The following RBMS3 variants were observed in gnomAD, a reference collection of about 807,000 sequenced individuals.
RBMS3 encodes RNA binding motif single stranded interacting protein 3, also known as RNA-binding motif, single-stranded-interacting protein 3.
RBMS3 carries 27 observed loss-of-function variants against 66.8 expected under a neutral mutation model. The observed-to-expected ratio is 0.40, with a 90% CI of 0.30 to 0.56. The LOEUF is 0.56. Ranked by LOEUF, RBMS3 falls within the 20% of genes least tolerant of loss-of-function variation. The pLI, the probability that RBMS3 is intolerant of heterozygous loss-of-function variation, is 0.40. For missense variants in RBMS3, 513 were observed against 549.5 expected, an observed-to-expected ratio of 0.93 and a Z score of 0.66; for synonymous variants, 188 against 183.0, an observed-to-expected ratio of 1.03 and a Z score of -0.22.
chr3:29,378,520 A>C (rs1247640006), intron 1 of RBMS3, among the ~76,000 whole-genome samples: 2 of 151,894 alleles, frequency 1.3e-5, no homozygotes, highest in African/African-American at 4.8e-5. Context: ...TGTCTATTTC[A>C]TAGAGGTATT....
rs371084735 is a variant in RBMS3, at chr3:29,987,636, CA to C, written c.1099-506del. Among the ~76,000 whole-genome samples, 713 of 152,228 alleles carry C rather than the reference CA, an allele frequency of 4.7e-3. 3 individuals carry two copies. The highest frequency in any genetic ancestry group is 0.016 in the African/African-American group (680 of 41,544). ...AAGTGATGCAAAAATGAAAAAATGA[CA>C]TTTGCCAATAATGCCAATGTATCAC... is the stretch of plus-strand genomic sequence containing the variant. On this transcript the variant is annotated intron_variant, in intron 12 of 14. Coordinates refer to ENST00000383767, the MANE Select transcript of RBMS3 (RefSeq NM_001003793.3).
At chr3:29,401,826 T>C (rs2039825598) in intron 1 of RBMS3, among the ~76,000 whole-genome samples, 1 of 152,104 alleles carries the variant, frequency 6.6e-6, no homozygotes, top group Non-Finnish European at 1.5e-5. Context: ...TCATTTTCAG[T>C]GTTCAGACAG....
chr3:29,831,891 G>A (rs893466162), intron 6 of RBMS3, among the ~76,000 whole-genome samples: 1 of 151,954 alleles, frequency 6.6e-6, no homozygotes, highest in Non-Finnish European at 1.5e-5. Flanking sequence ...TAACATGGGA[G>A]AATTGATATA....
At chr3:29,525,852 G>T (rs1175847001) in intron 3 of RBMS3, among the ~76,000 whole-genome samples, 1 of 152,024 alleles carries the variant, frequency 6.6e-6, no homozygotes, top group Non-Finnish European at 1.5e-5. Context: ...TTTCTTTGAG[G>T]GCATTTTAGT....
intron 3 of RBMS3, among the ~76,000 whole-genome samples, chr3:29,508,917 T>C (rs913977358): frequency 1.3e-5 from 2 of 151,636 alleles, no homozygotes; most frequent in Non-Finnish European, 2.9e-5. Flanking sequence ...TGGTATCTCA[T>C]GGTGGTTTTG....
intron 1 of RBMS3, among the ~76,000 whole-genome samples, chr3:29,397,233 A>G (rs143978175): frequency 0.018 from 2,720 of 152,228 alleles, 75 homozygotes; most frequent in African/African-American, 0.062. Context: ...TTATATGTAA[A>G]GTACCTATTC....
At chr3:29,425,217 A>C (rs2040903577) in intron 1 of RBMS3, among the ~76,000 whole-genome samples, 1 of 47,408 alleles carries the variant, frequency 2.1e-5, no homozygotes, top group East Asian at 6.6e-4. Context: ...CAAAAAAAAC[A>C]AAAAAAAAAA....
Position 29,739,753 on chromosome 3 carries a change from T to A in RBMS3, c.433T>A (p.Ser145Thr), listed in dbSNP as rs749856601. 1 of 1,612,042 alleles carries A rather than the reference T, an allele frequency of 6.2e-7. No individual in the cohort carries two copies. Among genetic ancestry groups the A allele is most frequent in the South Asian group, 1.1e-5 (1 of 90,666 alleles). Residue 145 changes from serine to threonine, a missense_variant, in exon 5 of 15, where the codon TCA (serine) becomes ACA (threonine). By Grantham distance (58) the Ser-to-Thr change is moderately conservative. Transcript: ENST00000383767. ...GCAAGACCCAACAAACCTATACATC[T>A]CAAATCTCCCCATTTCTATGGATGA... The part of the protein sequence containing the change: ...QEQDPTNLYI[S>T]NLPISMDEQE...
At chr3:29,628,818 G>C (rs2049168516) in intron 4 of RBMS3, among the ~76,000 whole-genome samples, 1 of 152,026 alleles carries the variant, frequency 6.6e-6, no homozygotes, top group Non-Finnish European at 1.5e-5. Flanking sequence ...AAAAAGGAAA[G>C]CATAAGCAAA....
At chr3:29,886,583 C>T (rs192261175) in intron 8 of RBMS3, among the ~76,000 whole-genome samples, 3 of 151,948 alleles carry the variant, frequency 2.0e-5, no homozygotes, top group Non-Finnish European at 1.5e-5. Context: ...AACAAGCCAA[C>T]AAGTTTTACT....
rs2040493962 is a variant in RBMS3, at chr3:29,416,764, G to A, written c.76-17979G>A. 2.6e-5 allele frequency among the ~76,000 whole-genome samples: 4 copies of A among 152,098 alleles called. No homozygotes were observed. In the South Asian group the frequency reaches 8.3e-4, roughly 31 times the overall value. ...GCCAACTCAAGGTTCTATTGTGATA[G>A]GAATGTGGTCTCTGGTGCCCAACAC... On this transcript the variant is annotated intron_variant, in intron 1 of 14. Transcript: ENST00000383767.
intron 4 of RBMS3, among the ~76,000 whole-genome samples, chr3:29,699,534 T>C (rs1391927038): frequency 1.3e-5 from 2 of 152,222 alleles, no homozygotes; most frequent in African/African-American, 2.4e-5. Flanking sequence ...TATTATTAAC[T>C]CTTTCCAGCT....
chr3:29,626,986 G>A (rs1175016896), intron 4 of RBMS3, among the ~76,000 whole-genome samples: 1 of 152,092 alleles, frequency 6.6e-6, no homozygotes, highest in East Asian at 1.9e-4. Context: ...GAATAATAAA[G>A]CCTGGGTTGC....
chr3:29,777,514 A>G (rs1433529008), intron 6 of RBMS3, among the ~76,000 whole-genome samples: 2 of 151,990 alleles, frequency 1.3e-5, no homozygotes, highest in Non-Finnish European at 2.9e-5. Flanking sequence ...ATGATTCCAC[A>G]TAGAAATATA....
intron 4 of RBMS3, among the ~76,000 whole-genome samples, chr3:29,591,639 T>C (rs1047910866): frequency 1.3e-5 from 2 of 152,226 alleles, no homozygotes; most frequent in African/African-American, 2.4e-5. Context: ...TGGAGGCTTT[T>C]CCTGGATATA....
intron 8 of RBMS3, among the ~76,000 whole-genome samples, chr3:29,896,499 G>C (rs529050460): frequency 6.6e-6 from 1 of 151,664 alleles, no homozygotes; most frequent in East Asian, 2.0e-4. Context: ...CAGGCAACCT[G>C]GTTTTGTCTG....
chr3:29,823,908 G>C (rs1474915164), intron 6 of RBMS3, among the ~76,000 whole-genome samples: 2 of 152,094 alleles, frequency 1.3e-5, no homozygotes, highest in East Asian at 3.9e-4. Flanking sequence ...TACCAGAGGG[G>C]TTTAGTCATG....
At chr3:29,902,166 T>C (rs79571820) in intron 10 of RBMS3, among the ~76,000 whole-genome samples, 5,404 of 151,914 alleles carry the variant, frequency 0.036, 113 homozygotes, top group South Asian at 0.054. Context: ...TTACATAAAC[T>C]TTCTGAGCCA....
chr3:29,424,028 A>G (rs1410032202), intron 1 of RBMS3, among the ~76,000 whole-genome samples: 3 of 152,236 alleles, frequency 2.0e-5, no homozygotes, highest in Non-Finnish European at 4.4e-5. Context: ...CAATGAGCAT[A>G]AAGCTCTTAG....
Sources: gnomAD v4.1 joint callset for allele counts (sites outside exome capture counted in the v4.1 genomes callset) on GRCh38, gnomAD v4.1.1 for gene constraint, MANE v1.5 for transcripts, NCBI Gene and HGNC (gene_info 2026-07-23, HGNC 2026-07-21) for gene names.